The following VAT1L variants were observed in gnomAD, a reference collection of about 807,000 sequenced individuals.
The protein encoded by VAT1L is vesicle amine transport 1 like, also known as putative NADPH-dependent quinone oxidoreductase VAT1L.
In VAT1L, 34 loss-of-function variants were observed where a neutral mutation model predicts 44.1. The ratio of observed to expected loss-of-function variants is 0.77; its 90% CI spans 0.59 to 1.03. VAT1L has a LOEUF of 1.03. Ranked by LOEUF, VAT1L falls within the 50% of genes least tolerant of loss-of-function variation. VAT1L has a pLI of 0.00. For missense variants in VAT1L, 615 were observed against 538.8 expected, an observed-to-expected ratio of 1.14 and a Z score of -1.40; for synonymous variants, 253 against 202.2, an observed-to-expected ratio of 1.25 and a Z score of -2.13.
rs2016503981 is a variant in VAT1L at position 77,825,164 on chromosome 16, G to A, written c.364-82G>A. On this transcript the variant is annotated intron_variant, in intron 2 of 8. Transcript: ENST00000302536. ...TTATACGCATGAGCCACAGCGCCTG[G>A]CCAGCTCCCAGTAATTCTGTTCTCT... is the stretch of plus-strand genomic sequence containing the variant. 3 of 1,506,936 alleles carry A rather than the reference G, an allele frequency of 2.0e-6. No homozygotes were observed. The South Asian group carries it at 3.4e-5, about 17-fold the overall frequency. The allele number at this position is 1,506,936 out of a possible 1,614,324, so 93.3% of individuals were successfully genotyped here. A position where few individuals can be genotyped will look rare whatever the true frequency, so the allele number is the denominator to read the frequency against.
chr16:77,830,705 T>C (rs2016569716), intron 3 of VAT1L, among the ~76,000 whole-genome samples: 1 of 152,194 alleles, frequency 6.6e-6, no homozygotes, highest in Non-Finnish European at 1.5e-5. Flanking sequence ...TTGTTGTTGT[T>C]GAGATGGAGT....
intron 4 of VAT1L, among the ~76,000 whole-genome samples, chr16:77,873,376 G>C (rs745697995): frequency 1.3e-5 from 2 of 152,174 alleles, no homozygotes; most frequent in Non-Finnish European, 2.9e-5. Context: ...ATATAGGAGA[G>C]CTCTGAAATA....
At chr16:77,955,460 C>T (rs918706667) in intron 7 of VAT1L, among the ~76,000 whole-genome samples, 5 of 152,164 alleles carry the variant, frequency 3.3e-5, no homozygotes, top group Non-Finnish European at 7.4e-5. Flanking sequence ...CGTGGTGGCT[C>T]ACACCTGTAA....
chr16:77,892,322 G>T, intron 7 of VAT1L: 1 of 294,466 alleles, frequency 3.4e-6, no homozygotes, highest in East Asian at 8.2e-5. Context: ...AGCTGGCATG[G>T]ACCCTCTTTA....
At chr16:77,805,183 C>A (rs1337623624) in intron 1 of VAT1L, among the ~76,000 whole-genome samples, 3 of 152,136 alleles carry the variant, frequency 2.0e-5, no homozygotes, top group African/African-American at 7.2e-5. Context: ...TCTGGCTGTT[C>A]TCAAATAAGA....
At chr16:77,866,401 A>G (rs1430770520) in intron 4 of VAT1L, among the ~76,000 whole-genome samples, 2 of 152,160 alleles carry the variant, frequency 1.3e-5, no homozygotes, top group African/African-American at 2.4e-5. Context: ...AAAAATGCCC[A>G]TGGTAGCACA....
rs575257597 is a variant in VAT1L, at chr16:77,847,687, T to C, written c.580-15061T>C. On this transcript the variant is annotated intron_variant, in intron 3 of 8. Transcript: ENST00000302536. ...GTGCACATGCATCAAAAGGGCCAGG[T>C]CAGACCACTAAGAAGTTCTAAAGTC... 3.3e-5 allele frequency among the ~76,000 whole-genome samples: 5 copies of C among 152,328 alleles called. No individual in the cohort carries two copies. In the South Asian group the frequency reaches 1.0e-3, roughly 32 times the overall value.
At chr16:77,901,226 A>G (rs959932299) in intron 7 of VAT1L, among the ~76,000 whole-genome samples, 1 of 136,266 alleles carries the variant, frequency 7.3e-6, no homozygotes, top group Admixed American at 8.3e-5. Flanking sequence ...TGCAGTGGCG[A>G]CATCTCAGCT....
chr16:77,959,651 G>A (rs1357790967), intron 7 of VAT1L, among the ~76,000 whole-genome samples: 3 of 151,990 alleles, frequency 2.0e-5, no homozygotes, highest in African/African-American at 7.3e-5. Context: ...ATTAAGTGCT[G>A]TCATTTGTAC....
chr16:77,838,610 C>T (rs1005343283), intron 3 of VAT1L, among the ~76,000 whole-genome samples: 7 of 152,166 alleles, frequency 4.6e-5, no homozygotes, highest in Non-Finnish European at 8.8e-5. Flanking sequence ...CTCTCCCCAC[C>T]GCAACAAACT....
chr16:77,824,701 A>G (rs896487081), intron 2 of VAT1L, among the ~76,000 whole-genome samples: 2 of 148,062 alleles, frequency 1.4e-5, no homozygotes, highest in African/African-American at 5.0e-5. Flanking sequence ...GCTTGCAGTG[A>G]GCTGAGATCA....
chr16:77,888,439 T>C (rs896572282), intron 7 of VAT1L, among the ~76,000 whole-genome samples: 4 of 152,214 alleles, frequency 2.6e-5, no homozygotes, highest in Non-Finnish European at 4.4e-5. Context: ...AGTTGGACAT[T>C]TTCTATGTTT....
chr16:77,866,303 T>C (rs62044523), intron 4 of VAT1L, among the ~76,000 whole-genome samples: 60,871 of 152,040 alleles, frequency 0.4, 12,864 homozygotes, highest in East Asian at 0.56. Flanking sequence ...AGAAGGGAAA[T>C]AGTTCAGTCG....
intron 7 of VAT1L, among the ~76,000 whole-genome samples, chr16:77,914,447 C>G (rs996647301): frequency 1.3e-5 from 2 of 152,012 alleles, no homozygotes; most frequent in Admixed American, 1.3e-4. Context: ...AGCATTCACA[C>G]CAAAGAAATC....
intron 7 of VAT1L, among the ~76,000 whole-genome samples, chr16:77,954,690 G>A (rs973728323): frequency 6.6e-6 from 1 of 152,168 alleles, no homozygotes; most frequent in African/African-American, 2.4e-5. Flanking sequence ...CCAAGCAGGG[G>A]ACCTGTCTTT....
intron 7 of VAT1L, among the ~76,000 whole-genome samples, chr16:77,926,010 C>G (rs1372906788): frequency 2.6e-5 from 4 of 152,034 alleles, no homozygotes; most frequent in African/African-American, 7.2e-5. Context: ...TACCTGTAAT[C>G]CTAGCACTTT....
intron 7 of VAT1L, among the ~76,000 whole-genome samples, chr16:77,923,630 G>C (rs1412448782): frequency 6.6e-6 from 1 of 152,136 alleles, no homozygotes; most frequent in African/African-American, 2.4e-5. Context: ...CTCCTGCCTA[G>C]TCACACAGCT....
chr16:77,888,177 C>A (rs1004373018), intron 7 of VAT1L, among the ~76,000 whole-genome samples: 5 of 152,228 alleles, frequency 3.3e-5, no homozygotes, highest in Admixed American at 6.5e-5. Context: ...ACAGCCACTG[C>A]AGACCAGGCC....
intron 7 of VAT1L, among the ~76,000 whole-genome samples, chr16:77,924,149 A>G (rs142803075): frequency 7.2e-4 from 109 of 152,236 alleles, no homozygotes; most frequent in South Asian, 2.1e-4. Flanking sequence ...CGGAGAAGCT[A>G]TATTGACTCA....
Sources: allele counts gnomAD v4.1 joint callset (sites outside exome capture counted in the v4.1 genomes callset), GRCh38; gene constraint gnomAD v4.1.1; transcripts MANE v1.5; gene names NCBI Gene and HGNC (gene_info 2026-07-23, HGNC 2026-07-21).